ERO1B: variants seen among roughly 807,000 people sequenced by gnomAD.
The protein encoded by ERO1B is endoplasmic reticulum oxidoreductase 1 beta.
In ERO1B, 49 loss-of-function variants were observed where a neutral mutation model predicts 75.3. The observed-to-expected ratio is 0.65, with a 90% CI of 0.52 to 0.83. The LOEUF (loss-of-function observed/expected upper bound fraction) is 0.83. Among genes scored for constraint, ERO1B ranks in the 40% least tolerant of loss-of-function variants. The pLI is 0.00. For synonymous variants in ERO1B, 191 were observed against 192.9 expected, an observed-to-expected ratio of 0.99 and a Z score of 0.08; for missense variants, 512 against 560.1, an observed-to-expected ratio of 0.91 and a Z score of 0.87.
intron 2 of ERO1B, chr1:236,267,655 A>C (rs969071229): frequency 6.6e-6 from 1 of 152,226 alleles, no homozygotes; most frequent in African/African-American, 2.4e-5. Flanking sequence ...CATTTTTGAA[A>C]TATAAAAGTA....
At chr1:236,237,547 C>A (rs750572515) in intron 6 of ERO1B, among the ~76,000 whole-genome samples, 3 of 152,166 alleles carry the variant, frequency 2.0e-5, no homozygotes, top group Non-Finnish European at 4.4e-5. Flanking sequence ...AATGACCATG[C>A]CTCACACATG....
At chr1:236,271,620 A>C (rs966370582) in intron 1 of ERO1B, among the ~76,000 whole-genome samples, 2 of 151,968 alleles carry the variant, frequency 1.3e-5, no homozygotes, top group African/African-American at 4.8e-5. Flanking sequence ...ACAAACCAAA[A>C]AGCTCCCTAG....
chr1:236,248,256 G>A (rs1186540429), intron 5 of ERO1B, among the ~76,000 whole-genome samples: 2 of 152,086 alleles, frequency 1.3e-5, no homozygotes, highest in Non-Finnish European at 2.9e-5. Context: ...ATAAAAACAA[G>A]GTACTATTTC....
chr1:236,277,406 G>C (rs1288245394), intron 1 of ERO1B, among the ~76,000 whole-genome samples: 1 of 116,912 alleles, frequency 8.6e-6, no homozygotes, highest in Non-Finnish European at 1.8e-5. Context: ...TCTACTCCAG[G>C]AAAAAAAAAA....
intron 15 of ERO1B, chr1:236,220,218 T>C (rs1001625521): frequency 6.6e-5 from 10 of 151,866 alleles, no homozygotes; most frequent in Non-Finnish European, 1.3e-4. Context: ...CAAGGAAGCA[T>C]AGTATTATTT....
At chr1:236,255,055 T>A (rs1391222994) in intron 2 of ERO1B, among the ~76,000 whole-genome samples, 1 of 151,730 alleles carries the variant, frequency 6.6e-6, no homozygotes, top group Admixed American at 6.6e-5. Flanking sequence ...CCCAAGTAGC[T>A]GGGACCACAG....
At chr1:236,272,227 C>A (rs1237078522) in intron 1 of ERO1B, among the ~76,000 whole-genome samples, 1 of 152,102 alleles carries the variant, frequency 6.6e-6, no homozygotes, top group African/African-American at 2.4e-5. Context: ...CAAAGGAAAT[C>A]ATTATATCAA....
At chr1:236,243,356 T>G (rs1664760880) in intron 6 of ERO1B, 66 bp downstream of exon 6, 1 of 1,124,292 alleles carries the variant, frequency 8.9e-7, no homozygotes, top group Non-Finnish European at 1.3e-6. Context: ...ATATTTTCAT[T>G]GATTAAAATG....
chr1:236,233,919 C>T (rs1039458933), intron 8 of ERO1B, among the ~76,000 whole-genome samples: 2 of 152,158 alleles, frequency 1.3e-5, no homozygotes, highest in Admixed American at 6.5e-5. Flanking sequence ...TAGGGCAACA[C>T]AGCAGCTCTG....
intron 15 of ERO1B, 84 bp downstream of exon 15, chr1:236,220,748 C>A: frequency 7.3e-7 from 1 of 1,369,210 alleles, no homozygotes; most frequent in African/African-American, 1.5e-5. Flanking sequence ...AAAACAAACC[C>A]TACTTTTAGC....
intron 2 of ERO1B, among the ~76,000 whole-genome samples, chr1:236,255,147 G>T (rs1348285871): frequency 2.7e-5 from 4 of 150,514 alleles, no homozygotes; most frequent in Admixed American, 6.6e-5. Context: ...TGTTTCCCAG[G>T]TTGGGCTGGA....
At chr1:236,262,808 G>C (rs1268704300) in intron 2 of ERO1B, among the ~76,000 whole-genome samples, 1 of 152,110 alleles carries the variant, frequency 6.6e-6, no homozygotes, top group Non-Finnish European at 1.5e-5. Flanking sequence ...ATACTACTCA[G>C]ATCACCCTTC....
intron 10 of ERO1B, among the ~76,000 whole-genome samples, chr1:236,227,471 G>A (rs1007270184): frequency 1.3e-5 from 2 of 152,154 alleles, no homozygotes; most frequent in Admixed American, 6.5e-5. Context: ...AATACACATT[G>A]TGAATGTATT....
chr1:236,224,435 G>A (rs908553175), intron 13 of ERO1B, among the ~76,000 whole-genome samples: 1 of 148,220 alleles, frequency 6.7e-6, no homozygotes, highest in Non-Finnish European at 1.5e-5. Context: ...GGGCAACATA[G>A]CGAGACCCCA....
intron 1 of ERO1B, among the ~76,000 whole-genome samples, chr1:236,281,114 G>A (rs1315122410): frequency 7.2e-5 from 11 of 152,214 alleles, no homozygotes; most frequent in Admixed American, 7.2e-4. Flanking sequence ...CAGCTCAGCT[G>A]GGTAAAAATA....
chr1:236,235,910 C>T (rs1194512273), intron 7 of ERO1B, 75 bp from the exon 8 acceptor site: 3 of 1,267,624 alleles, frequency 2.4e-6, no homozygotes, highest in Non-Finnish European at 3.3e-6. Flanking sequence ...CCAATAGAAA[C>T]AAATACTCCC....
At chr1:236,277,060 C>A (rs1665723705) in intron 1 of ERO1B, among the ~76,000 whole-genome samples, 1 of 152,142 alleles carries the variant, frequency 6.6e-6, no homozygotes, top group Non-Finnish European at 1.5e-5. Context: ...TCAATTAAAT[C>A]TCTTTTCTTT....
At chr1:236,280,495 C>T (rs1410075124) in intron 1 of ERO1B, among the ~76,000 whole-genome samples, 7 of 152,144 alleles carry the variant, frequency 4.6e-5, no homozygotes, top group Non-Finnish European at 1.0e-4. Context: ...GATATCTGGG[C>T]CATATTCCAG....
chr1:236,258,165 C>T (rs756199867), intron 2 of ERO1B, among the ~76,000 whole-genome samples: 3 of 24,256 alleles, frequency 1.2e-4, no homozygotes, highest in Non-Finnish European at 2.9e-4. Flanking sequence ...AAAAAAAAAC[C>T]CAGCCAGATC....
Sources: gnomAD v4.1 joint callset for allele counts (sites outside exome capture counted in the v4.1 genomes callset) on GRCh38, gnomAD v4.1.1 for gene constraint, MANE v1.5 for transcripts, NCBI Gene and HGNC (gene_info 2026-07-23, HGNC 2026-07-21) for gene names.